Variants in ATG10 observed in about 807,000 individuals in gnomAD.
ATG10 encodes the protein ubiquitin-like-conjugating enzyme ATG10.
A neutral mutation model predicts 32.1 loss-of-function variants in ATG10; 30 were observed. That is an observed-to-expected ratio of 0.94 (90% CI 0.70 to 1.27). ATG10 has a LOEUF of 1.27. ATG10 is among the 50% of genes most tolerant of loss of function. ATG10 has a pLI of 0.00. For synonymous variants in ATG10, 87 were observed against 91.5 expected, an observed-to-expected ratio of 0.95 and a Z score of 0.28; for missense variants, 233 against 262.3, an observed-to-expected ratio of 0.89 and a Z score of 0.77.
chr5:82,163,322 A>C (rs1743439009), intron 3 of ATG10, among the ~76,000 whole-genome samples: 1 of 152,158 alleles, frequency 6.6e-6, no homozygotes, highest in Non-Finnish European at 1.5e-5. Context: ...AAACATCTCC[A>C]GTTGTGATTT....
chr5:82,113,615 GC>G (rs1765686924), intron 3 of ATG10, among the ~76,000 whole-genome samples: 1 of 151,914 alleles, frequency 6.6e-6, no homozygotes. Flanking sequence ...GATGCCAATA[GC>G]CCTACTCCCT....
intron 5 of ATG10, among the ~76,000 whole-genome samples, chr5:82,203,086 G>A (rs1330037199): frequency 2.6e-5 from 4 of 152,122 alleles, no homozygotes; most frequent in African/African-American, 9.7e-5. Flanking sequence ...AAATTAGCCA[G>A]GCTTGGTGGT....
chr5:82,113,728 T>G (rs982375456), intron 3 of ATG10, among the ~76,000 whole-genome samples: 7 of 152,064 alleles, frequency 4.6e-5, no homozygotes, highest in African/African-American at 1.4e-4. Flanking sequence ...TTGTTTTGAC[T>G]TGTATTTGTT....
chr5:82,046,890 C>G (rs1219477307), intron 2 of ATG10, among the ~76,000 whole-genome samples: 1 of 151,278 alleles, frequency 6.6e-6, no homozygotes, highest in African/African-American at 2.4e-5. Context: ...GCCAATGGTT[C>G]AAAAAGCAAT....
At chr5:82,138,031 GA>G (rs763571087) in intron 3 of ATG10, among the ~76,000 whole-genome samples, 4 of 152,182 alleles carry the variant, frequency 2.6e-5, no homozygotes, top group Non-Finnish European at 5.9e-5. Flanking sequence ...ACTGTGAGGG[GA>G]AAATCACCTA....
chr5:82,003,698 G>A (rs1390112307), intron 2 of ATG10, among the ~76,000 whole-genome samples: 1 of 152,178 alleles, frequency 6.6e-6, no homozygotes, highest in Non-Finnish European at 1.5e-5. Context: ...GAAGTTTATA[G>A]GACATCAACT....
At chr5:82,154,636 T>C (rs1402262425) in intron 3 of ATG10, among the ~76,000 whole-genome samples, 1 of 152,194 alleles carries the variant, frequency 6.6e-6, no homozygotes, top group Non-Finnish European at 1.5e-5. Flanking sequence ...TATGTGTTTT[T>C]ATCCGAGATT....
At chr5:82,037,063 G>A (rs1762944752) in intron 2 of ATG10, among the ~76,000 whole-genome samples, 1 of 142,984 alleles carries the variant, frequency 7.0e-6, no homozygotes, top group Non-Finnish European at 1.5e-5. Flanking sequence ...CCAGGGAGTC[G>A]GAGGTTCCAG....
chr5:82,025,714 C>T (rs1762575352), intron 2 of ATG10, among the ~76,000 whole-genome samples: 1 of 152,050 alleles, frequency 6.6e-6, no homozygotes, highest in African/African-American at 2.4e-5. Flanking sequence ...GAAGGACTTC[C>T]TATGTAAACA....
intron 2 of ATG10, among the ~76,000 whole-genome samples, chr5:82,014,078 A>C (rs1405377370): frequency 6.6e-6 from 1 of 151,940 alleles, no homozygotes; most frequent in African/African-American, 2.4e-5. Flanking sequence ...GCCTTCATTT[A>C]GTTATGTACC....
chr5:82,002,401 C>T (rs1761875383), intron 2 of ATG10, among the ~76,000 whole-genome samples: 1 of 152,124 alleles, frequency 6.6e-6, no homozygotes, highest in Admixed American at 6.5e-5. Context: ...AAATGCCCAT[C>T]AACAGTAGAC....
At chr5:82,186,584 C>A (rs1030898109) in intron 5 of ATG10, among the ~76,000 whole-genome samples, 1 of 136,954 alleles carries the variant, frequency 7.3e-6, no homozygotes, top group Admixed American at 8.3e-5. Context: ...AGGGTACTTT[C>A]CATATTCATT....
intron 5 of ATG10, among the ~76,000 whole-genome samples, chr5:82,236,902 A>G (rs536184369): frequency 2.7e-4 from 41 of 151,382 alleles, no homozygotes; most frequent in South Asian, 2.3e-3. Context: ...TTTCCCACAT[A>G]TTTTTTTTCT....
intron 2 of ATG10, among the ~76,000 whole-genome samples, chr5:82,055,200 A>G (rs986293639): frequency 2.0e-5 from 3 of 152,160 alleles, no homozygotes; most frequent in African/African-American, 7.2e-5. Context: ...AAAACTCTAT[A>G]TTTAATTTTT....
chr5:82,110,478 T>G (rs1350755600), intron 3 of ATG10, among the ~76,000 whole-genome samples: 15 of 152,286 alleles, frequency 9.8e-5, no homozygotes, highest in African/African-American at 2.4e-4. Context: ...CCTGACTTTT[T>G]AATGATCGCC....
intron 3 of ATG10, among the ~76,000 whole-genome samples, chr5:82,101,517 GGAA>G (rs1765274172): frequency 1.3e-5 from 2 of 152,120 alleles, no homozygotes; most frequent in South Asian, 4.2e-4. Context: ...CTATTATTAG[GGAA>G]GAAGGAGGAC....
intron 5 of ATG10, among the ~76,000 whole-genome samples, chr5:82,185,024 A>G (rs1188220123): frequency 6.6e-6 from 1 of 152,196 alleles, no homozygotes; most frequent in Non-Finnish European, 1.5e-5. Context: ...TACTAGAACC[A>G]TATCCTCTCT....
intron 2 of ATG10, among the ~76,000 whole-genome samples, chr5:82,011,476 AT>A (rs1369781196): frequency 6.6e-6 from 1 of 152,088 alleles, no homozygotes; most frequent in East Asian, 1.9e-4. Context: ...ATTCCACTCC[AT>A]TACTCTCTGG....
At chr5:82,014,050 A>G (rs1161155901) in intron 2 of ATG10, among the ~76,000 whole-genome samples, 1 of 152,160 alleles carries the variant, frequency 6.6e-6, no homozygotes, top group African/African-American at 2.4e-5. Flanking sequence ...GTTGGTTTCA[A>G]AGAACATCTT....
Sources: allele counts gnomAD v4.1 joint callset (sites outside exome capture counted in the v4.1 genomes callset), GRCh38; gene constraint gnomAD v4.1.1; transcripts MANE v1.5; gene names NCBI Gene and HGNC (gene_info 2026-07-23, HGNC 2026-07-21).